CAMTA1: variants seen among roughly 807,000 people sequenced by gnomAD.
CAMTA1 encodes the protein calmodulin-binding transcription activator 1.
A neutral mutation model predicts 170.9 loss-of-function variants in CAMTA1; 27 were observed. The ratio of observed to expected loss-of-function variants is 0.16; its 90% CI spans 0.12 to 0.22. CAMTA1 has a LOEUF of 0.22. CAMTA1 is among the 10% of genes least tolerant of loss of function. The pLI, the probability that CAMTA1 is intolerant of heterozygous loss-of-function variation, is 1.00. For synonymous variants in CAMTA1, 833 were observed against 891.5 expected, an observed-to-expected ratio of 0.93 and a Z score of 1.17; for missense variants, 1,619 against 2,217.2, an observed-to-expected ratio of 0.73 and a Z score of 5.42.
In CAMTA1 at chr1:7,668,722, C is replaced by T. The variant is rs116291813; in HGVS notation, c.2653-2189C>T. Among the ~76,000 whole-genome samples, 1,119 of 152,334 alleles carry T rather than the reference C, an allele frequency of 7.3e-3. 15 individuals are homozygous for T. Among genetic ancestry groups the T allele is most frequent in the African/African-American group, 0.026 (1,069 of 41,570 alleles). ...GGATGGATGCTGAGCTGTCCTGCGG[C>T]GGTTTCCATGGAGAAGGTCCTGATG... On this transcript the variant is annotated intron_variant, in intron 9 of 22. Coordinates refer to ENST00000303635, the MANE Select transcript of CAMTA1 (RefSeq NM_015215.4).
At chr1:7,725,127 G>A (rs1186187186) in intron 11 of CAMTA1, among the ~76,000 whole-genome samples, 6 of 152,208 alleles carry the variant, frequency 3.9e-5, no homozygotes, top group Non-Finnish European at 7.3e-5. Flanking sequence ...TATGAAAGCC[G>A]TCAGAATGAT....
intron 5 of CAMTA1, among the ~76,000 whole-genome samples, chr1:7,257,587 T>G (rs1242273028): frequency 2.7e-5 from 4 of 148,744 alleles, no homozygotes; most frequent in African/African-American, 1.0e-4. Flanking sequence ...GGTCTGTGCG[T>G]ACTCTTGCTA....
At chr1:6,827,859 G>A (rs1193955068) in intron 3 of CAMTA1, among the ~76,000 whole-genome samples, 1 of 152,196 alleles carries the variant, frequency 6.6e-6, no homozygotes, top group Non-Finnish European at 1.5e-5. Context: ...AGATTTCTGT[G>A]TTTTGGATGA....
At chr1:7,644,954 G>A (rs1004146727) in intron 7 of CAMTA1, among the ~76,000 whole-genome samples, 2 of 152,230 alleles carry the variant, frequency 1.3e-5, no homozygotes, top group African/African-American at 4.8e-5. Context: ...GGCAATGACT[G>A]TCTGAGGCGC....
intron 1 of CAMTA1, among the ~76,000 whole-genome samples, chr1:6,794,880 C>CTTTTTTTTTTTTTTTTTTTTTTTTTTTTT (rs1305335139): frequency 1.4e-5 from 2 of 141,902 alleles, no homozygotes; most frequent in Non-Finnish European, 3.1e-5. Context: ...TAGATAAAGG[C>CTTTTTTTTTTTTTTTTTTTTTTTTTTTTT]TTTTTTTTTG....
intron 3 of CAMTA1, among the ~76,000 whole-genome samples, chr1:6,933,136 C>T (rs1165043379): frequency 6.6e-6 from 1 of 151,680 alleles, no homozygotes; most frequent in Non-Finnish European, 1.5e-5. Flanking sequence ...AGTAGCTGTT[C>T]ACAGCCTCGA....
At chr1:7,057,518 A>G (rs1214004851) in intron 3 of CAMTA1, among the ~76,000 whole-genome samples, 1 of 152,250 alleles carries the variant, frequency 6.6e-6, no homozygotes, top group East Asian at 1.9e-4. Flanking sequence ...CATTTTTCCC[A>G]GAGAAAAGGC....
At chr1:6,876,593 C>T (rs1264471288) in intron 3 of CAMTA1, among the ~76,000 whole-genome samples, 2 of 152,152 alleles carry the variant, frequency 1.3e-5, no homozygotes, top group Admixed American at 6.5e-5. Context: ...GAACTCCTGA[C>T]CTCAGGTGAT....
chr1:7,630,131 G>A (rs2095659277), intron 6 of CAMTA1, among the ~76,000 whole-genome samples: 1 of 152,132 alleles, frequency 6.6e-6, no homozygotes, highest in Admixed American at 6.5e-5. Context: ...CGTGCTGTTG[G>A]GCAGCCAGGT....
chr1:6,811,909 G>T (rs1227065361), intron 1 of CAMTA1, among the ~76,000 whole-genome samples: 1 of 152,176 alleles, frequency 6.6e-6, no homozygotes. Flanking sequence ...TGAGGTTTTA[G>T]TTCTTTGGGC....
rs149681836 is a variant in CAMTA1 at position 7,228,521 on chromosome 1, A to T, written c.303-20970A>T. 2.3e-3 allele frequency among the ~76,000 whole-genome samples: 351 copies of T among 152,320 alleles called. 1 individual carries two copies. The highest frequency in any genetic ancestry group is 8.1e-3 in the African/African-American group (335 of 41,564). ...TCTCTGTTCCCAGCCCCAGTTAGGA[A>T]CACACTGGAGATACTTTTGGAGACT... is the stretch of plus-strand genomic sequence containing the variant. On this transcript the variant is annotated intron_variant, in intron 4 of 22. Coordinates refer to ENST00000303635, the MANE Select transcript of CAMTA1 (RefSeq NM_015215.4).
chr1:7,225,867 C>T (rs1271357257), intron 4 of CAMTA1, among the ~76,000 whole-genome samples: 1 of 152,204 alleles, frequency 6.6e-6, no homozygotes, highest in African/African-American at 2.4e-5. Context: ...TGTGGCTCCT[C>T]TGCTCATCCC....
chr1:6,826,937 A>G (rs750991654), intron 3 of CAMTA1, among the ~76,000 whole-genome samples: 1 of 152,254 alleles, frequency 6.6e-6, no homozygotes, highest in Non-Finnish European at 1.5e-5. Context: ...CATGTTTAAT[A>G]AAACCTCTAA....
intron 5 of CAMTA1, among the ~76,000 whole-genome samples, chr1:7,279,666 C>T (rs545455835): frequency 1.3e-5 from 2 of 152,282 alleles, no homozygotes; most frequent in South Asian, 4.2e-4. Context: ...GTGCCGAGGG[C>T]CAAGCTCTCT....
At chr1:7,458,243 G>A (rs1240168144) in intron 5 of CAMTA1, among the ~76,000 whole-genome samples, 2 of 152,144 alleles carry the variant, frequency 1.3e-5, no homozygotes, top group African/African-American at 4.8e-5. Context: ...TGAGGGAGAC[G>A]GGGTTAACTC....
At chr1:6,875,528 G>A (rs1669589752) in intron 3 of CAMTA1, among the ~76,000 whole-genome samples, 1 of 152,028 alleles carries the variant, frequency 6.6e-6, no homozygotes, top group Non-Finnish European at 1.5e-5. Context: ...CTCGTGATTT[G>A]TCCACTTTGG....
intron 1 of CAMTA1, among the ~76,000 whole-genome samples, chr1:6,805,928 C>T (rs1644464172): frequency 6.6e-6 from 1 of 151,318 alleles, no homozygotes; most frequent in East Asian, 1.9e-4. Context: ...TAATAAGAAA[C>T]CATTGTCATA....
intron 11 of CAMTA1, among the ~76,000 whole-genome samples, chr1:7,726,579 G>A (rs2096688443): frequency 6.6e-6 from 1 of 152,140 alleles, no homozygotes; most frequent in South Asian, 2.1e-4. Flanking sequence ...TTAGGATGGT[G>A]GTGTCTGTCT....
At chr1:7,387,850 A>G (rs1439217032) in intron 5 of CAMTA1, among the ~76,000 whole-genome samples, 1 of 152,178 alleles carries the variant, frequency 6.6e-6, no homozygotes, top group Non-Finnish European at 1.5e-5. Context: ...CTGCAACACA[A>G]TTGATCTTTG....
Sources: allele counts gnomAD v4.1 joint callset (sites outside exome capture counted in the v4.1 genomes callset), GRCh38; gene constraint gnomAD v4.1.1; transcripts MANE v1.5; gene names NCBI Gene and HGNC (gene_info 2026-07-23, HGNC 2026-07-21).